Variants in PPM1H observed in about 807,000 individuals in gnomAD.
PPM1H encodes protein phosphatase, Mg2+/Mn2+ dependent 1H, also known as protein phosphatase 1H.
Under a neutral mutation model 54.9 loss-of-function variants are expected in PPM1H, and 27 were observed. That is an observed-to-expected ratio of 0.49 (90% CI 0.36 to 0.68). The LOEUF is 0.68. Ranked by LOEUF, PPM1H falls within the 30% of genes least tolerant of loss-of-function variation. The pLI, the probability that PPM1H is intolerant of heterozygous loss-of-function variation, is 0.00. For synonymous variants in PPM1H, 305 were observed against 270.8 expected (o/e 1.13, Z -1.24); for missense variants, 596 against 667.8 (o/e 0.89, Z 1.19).
intron 2 of PPM1H, among the ~76,000 whole-genome samples, chr12:62,829,901 A>G (rs1868331740): frequency 6.6e-6 from 1 of 152,250 alleles, no homozygotes; most frequent in African/African-American, 2.4e-5. Flanking sequence ...GCAGGGGGAA[A>G]ATATCAGTGG....
intron 6 of PPM1H, among the ~76,000 whole-genome samples, chr12:62,708,420 A>G (rs1309470982): frequency 3.9e-5 from 6 of 152,198 alleles, no homozygotes. Flanking sequence ...TAGGATTATC[A>G]GCTCGAAACC....
intron 4 of PPM1H, among the ~76,000 whole-genome samples, chr12:62,757,202 A>C (rs1214823009): frequency 6.6e-6 from 1 of 152,140 alleles, no homozygotes; most frequent in Non-Finnish European, 1.5e-5. Flanking sequence ...GAATTATCTG[A>C]GTGTAGACAG....
intron 6 of PPM1H, among the ~76,000 whole-genome samples, chr12:62,697,045 G>T (rs961920388): frequency 1.3e-5 from 2 of 152,130 alleles, no homozygotes; most frequent in Admixed American, 6.5e-5. Context: ...AACAAAAGGG[G>T]TCATGTTTGT....
At chr12:62,896,155 C>T (rs987366919) in intron 1 of PPM1H, among the ~76,000 whole-genome samples, 30 of 152,150 alleles carry the variant, frequency 2.0e-4, no homozygotes, top group Non-Finnish European at 4.4e-5. Context: ...ACGATGTTTG[C>T]TTCCAAGCAT....
chr12:62,804,305 G>T (rs2076790891), intron 2 of PPM1H, among the ~76,000 whole-genome samples: 1 of 148,178 alleles, frequency 6.7e-6, no homozygotes, highest in Admixed American at 6.7e-5. Context: ...AACAGGCCAA[G>T]ATCTTGCCAC....
intron 6 of PPM1H, among the ~76,000 whole-genome samples, chr12:62,696,100 G>A (rs1036132851): frequency 5.9e-5 from 9 of 152,018 alleles, no homozygotes; most frequent in African/African-American, 2.2e-4. Context: ...CAATGACTGG[G>A]TATTACCTAG....
At chr12:62,889,399 T>C (rs1870704251) in intron 1 of PPM1H, among the ~76,000 whole-genome samples, 1 of 152,184 alleles carries the variant, frequency 6.6e-6, no homozygotes, top group South Asian at 2.1e-4. Flanking sequence ...GTGTACTTGC[T>C]ATAGTCCTAA....
intron 6 of PPM1H, among the ~76,000 whole-genome samples, chr12:62,708,489 A>G (rs552543505): frequency 6.6e-6 from 1 of 152,320 alleles, no homozygotes; most frequent in Admixed American, 6.5e-5. Flanking sequence ...AAAATTTATC[A>G]AGCTCTGGTA....
At chr12:62,715,394 C>T (rs1462590795) in intron 6 of PPM1H, among the ~76,000 whole-genome samples, 1 of 150,708 alleles carries the variant, frequency 6.6e-6, no homozygotes, top group Non-Finnish European at 1.5e-5. Flanking sequence ...GGGGGCACTG[C>T]GAAGAGAATG....
intron 1 of PPM1H, among the ~76,000 whole-genome samples, chr12:62,921,992 A>T (rs958337777): frequency 2.0e-5 from 3 of 152,250 alleles, no homozygotes; most frequent in Admixed American, 6.5e-5. Context: ...GAAAAAAGAA[A>T]CATCACTACA....
chr12:62,679,536 G>T (rs2076007160), intron 8 of PPM1H, among the ~76,000 whole-genome samples: 1 of 152,130 alleles, frequency 6.6e-6, no homozygotes, highest in Admixed American at 6.5e-5. Context: ...GAGGTCTGAG[G>T]TTTATGAAAT....
intron 9 of PPM1H, among the ~76,000 whole-genome samples, chr12:62,662,476 T>C (rs186854785): frequency 1.3e-4 from 20 of 152,358 alleles, no homozygotes; most frequent in Admixed American, 1.2e-3. Flanking sequence ...TGAATTTCTG[T>C]TGTGAAATAT....
chr12:62,730,089 C>T (rs2076312134), intron 5 of PPM1H, among the ~76,000 whole-genome samples: 1 of 152,146 alleles, frequency 6.6e-6, no homozygotes, highest in Non-Finnish European at 1.5e-5. Flanking sequence ...AACAACCCCC[C>T]TTTGACTGTA....
chr12:62,806,393 A>G (rs1464498555), intron 2 of PPM1H, among the ~76,000 whole-genome samples: 1 of 152,224 alleles, frequency 6.6e-6, no homozygotes, highest in Non-Finnish European at 1.5e-5. Flanking sequence ...AGTAGGCAGT[A>G]GAGATAAAAG....
intron 1 of PPM1H, among the ~76,000 whole-genome samples, chr12:62,870,866 C>A (rs1869950565): frequency 6.6e-6 from 1 of 152,176 alleles, no homozygotes; most frequent in Non-Finnish European, 1.5e-5. Context: ...CAATGAAATA[C>A]CACTTCACAC....
chr12:62,873,485 C>G lies in PPM1H; in HGVS notation c.246-41206G>C, dbSNP rs147121715. 5.0e-3 allele frequency among the ~76,000 whole-genome samples: 763 copies of G among 152,258 alleles called. 14 individuals are homozygous for G. The highest frequency in any genetic ancestry group is 0.018 in the African/African-American group (733 of 41,542). ...TCACCTACAAAATGACTCATTTAAT[C>G]TTTACAACATCTCCCAAGGCAAGTC... On this transcript the variant is annotated intron_variant, in intron 1 of 9. Coordinates refer to ENST00000228705, the MANE Select transcript of PPM1H (RefSeq NM_020700.2).
chr12:62,890,628 C>T (rs1382602926), intron 1 of PPM1H, among the ~76,000 whole-genome samples: 2 of 151,700 alleles, frequency 1.3e-5, no homozygotes, highest in Non-Finnish European at 2.9e-5. Context: ...TGAAAAACAT[C>T]ACGTTATTTT....
intron 4 of PPM1H, among the ~76,000 whole-genome samples, chr12:62,766,037 G>A (rs1475104914): frequency 6.6e-6 from 1 of 152,248 alleles, no homozygotes; most frequent in East Asian, 1.9e-4. Flanking sequence ...GGGACTGCCA[G>A]ATGGGTGCCA....
intron 2 of PPM1H, among the ~76,000 whole-genome samples, chr12:62,829,360 G>A (rs1387094020): frequency 6.6e-6 from 1 of 152,218 alleles, no homozygotes; most frequent in Non-Finnish European, 1.5e-5. Flanking sequence ...GGAAAGAATG[G>A]AGAGTTAGTG....
Sources: allele counts gnomAD v4.1 joint callset (sites outside exome capture counted in the v4.1 genomes callset), GRCh38; gene constraint gnomAD v4.1.1; transcripts MANE v1.5; gene names NCBI Gene and HGNC (gene_info 2026-07-23, HGNC 2026-07-21).